Variants in CDH12 observed in about 807,000 individuals in gnomAD.
The protein encoded by CDH12 is cadherin-12.
CDH12 carries 41 observed loss-of-function variants against 74.1 expected under a neutral mutation model. That is an observed-to-expected ratio of 0.55 (90% CI 0.43 to 0.72). CDH12 has a LOEUF of 0.72. CDH12 is among the 30% of genes least tolerant of loss of function. The probability of loss-of-function intolerance (pLI) is 0.00; values close to 1 mark genes in which losing one functional copy is unlikely to be tolerated. For missense variants in CDH12, 945 were observed against 977.2 expected, an observed-to-expected ratio of 0.97 and a Z score of 0.44; for synonymous variants, 399 against 355.0, an observed-to-expected ratio of 1.12 and a Z score of -1.39.
intron 1 of CDH12, among the ~76,000 whole-genome samples, chr5:22,732,921 C>A (rs1455321377): frequency 6.6e-6 from 1 of 151,832 alleles, no homozygotes; most frequent in African/African-American, 2.4e-5. Context: ...CTAATATACC[C>A]ACTTTTAGAA....
intron 1 of CDH12, among the ~76,000 whole-genome samples, chr5:22,602,603 T>A (rs942315099): frequency 6.6e-6 from 1 of 152,094 alleles, no homozygotes; most frequent in Non-Finnish European, 1.5e-5. Context: ...GAGAGAATAC[T>A]GTAAATAAAT....
intron 1 of CDH12, among the ~76,000 whole-genome samples, chr5:22,586,344 G>T (rs1482444589): frequency 2.0e-5 from 3 of 151,954 alleles, no homozygotes; most frequent in Admixed American, 6.6e-5. Context: ...GTTGTGGGGT[G>T]GGGGGAGTGA....
intron 8 of CDH12, among the ~76,000 whole-genome samples, chr5:21,821,340 T>G (rs1579767400): frequency 6.6e-6 from 1 of 151,842 alleles, no homozygotes; most frequent in African/African-American, 2.4e-5. Context: ...AAAATATAAA[T>G]GAAGATCTTT....
rs10074904 is a variant in CDH12, at chr5:22,779,125, G to T, written c.-523+73933C>A. On this transcript the variant is annotated intron_variant, in intron 1 of 14. Coordinates refer to ENST00000382254, the MANE Select transcript of CDH12 (RefSeq NM_004061.5). Reference sequence around the variant, plus strand: ...ATGTATATTTGCTTCAATCCTGAAGGAAGTTTGTACAACTAAGTTTTTCTC... The same window carrying T: ...ATGTATATTTGCTTCAATCCTGAAGTAAGTTTGTACAACTAAGTTTTTCTC... Among the ~76,000 whole-genome samples the T allele has an allele frequency of 7.6e-3, 1,161 of 151,942 alleles. 9 individuals carry two copies. Among genetic ancestry groups the T allele is most frequent in the African/African-American group, 0.027 (1,101 of 41,460 alleles).
chr5:22,181,674 A>G (rs1453781689), intron 4 of CDH12, among the ~76,000 whole-genome samples: 1 of 152,124 alleles, frequency 6.6e-6, no homozygotes, highest in Non-Finnish European at 1.5e-5. Context: ...AATATAATGT[A>G]CACAAAAGCA....
intron 1 of CDH12, among the ~76,000 whole-genome samples, chr5:22,540,826 T>G (rs1738068252): frequency 6.6e-6 from 1 of 152,194 alleles, no homozygotes; most frequent in Non-Finnish European, 1.5e-5. Flanking sequence ...AAGCAAATCT[T>G]TCTTATGACA....
At chr5:22,782,566 C>T (rs954535073) in intron 1 of CDH12, among the ~76,000 whole-genome samples, 2 of 152,196 alleles carry the variant, frequency 1.3e-5, no homozygotes, top group Non-Finnish European at 1.5e-5. Context: ...TATAAACTAC[C>T]CAGTCTTAGG....
At chr5:22,003,785 T>C (rs1164520595) in intron 5 of CDH12, among the ~76,000 whole-genome samples, 2 of 126,272 alleles carry the variant, frequency 1.6e-5, no homozygotes, top group African/African-American at 6.5e-5. Flanking sequence ...TTTGTTTCGT[T>C]TCATGAAAGA....
intron 1 of CDH12, among the ~76,000 whole-genome samples, chr5:22,571,616 C>T (rs1391035699): frequency 6.6e-6 from 1 of 152,186 alleles, no homozygotes; most frequent in Non-Finnish European, 1.5e-5. Context: ...CATGAGCCAA[C>T]GTGCCCGGCA....
chr5:21,916,636 A>T (rs999749135), intron 6 of CDH12, among the ~76,000 whole-genome samples: 10 of 152,094 alleles, frequency 6.6e-5, no homozygotes, highest in Non-Finnish European at 1.2e-4. Context: ...AGTAAGTGAC[A>T]TCTGCTTCCA....
intron 2 of CDH12, among the ~76,000 whole-genome samples, chr5:22,452,880 C>CAAAAAAAAAAAAAAAAAAAAAAAAAA (rs768945480): frequency 3.4e-4 from 11 of 32,200 alleles, no homozygotes; most frequent in African/African-American, 7.3e-4. Context: ...AACCTAAGAG[C>CAAAAAAAAAAAAAAAAAAAAAAAAAA]AAAAAAAAAA....
chr5:22,510,063 T>C (rs1438590700), intron 1 of CDH12, among the ~76,000 whole-genome samples: 1 of 151,732 alleles, frequency 6.6e-6, no homozygotes, highest in African/African-American at 2.4e-5. Context: ...TGAAACTCAG[T>C]GGAGCGATAA....
intron 6 of CDH12, among the ~76,000 whole-genome samples, chr5:21,918,700 C>T (rs1251645611): frequency 6.6e-6 from 1 of 152,066 alleles, no homozygotes; most frequent in East Asian, 1.9e-4. Context: ...TCCACTTGGT[C>T]CCACTCTTGA....
At chr5:22,026,253 G>T (rs1738345090) in intron 5 of CDH12, among the ~76,000 whole-genome samples, 3 of 152,162 alleles carry the variant, frequency 2.0e-5, no homozygotes, top group Non-Finnish European at 4.4e-5. Flanking sequence ...AAACTGGTTA[G>T]ACATGATCCC....
At chr5:22,255,340 A>C (rs1753274188) in intron 3 of CDH12, among the ~76,000 whole-genome samples, 1 of 151,842 alleles carries the variant, frequency 6.6e-6, no homozygotes, top group Non-Finnish European at 1.5e-5. Flanking sequence ...GATCTCATGA[A>C]AAGTATTATT....
chr5:22,249,600 A>G lies in CDH12; in HGVS notation c.-332-36957T>C, dbSNP rs777511832. On this transcript the variant is annotated intron_variant, in intron 3 of 14. Transcript: ENST00000382254. ...GCTGGCACAGTGCCGCAGCTACTTC[A>G]TAGGTGTCTGACATAATATGATTAC... 4.9e-4 allele frequency among the ~76,000 whole-genome samples: 74 copies of G among 152,196 alleles called. 1 individual carries two copies. The highest frequency in any genetic ancestry group is 7.2e-4 in the Non-Finnish European group (49 of 68,036).
chr5:22,001,482 GT>G (rs903199801), intron 5 of CDH12, among the ~76,000 whole-genome samples: 2 of 152,018 alleles, frequency 1.3e-5, no homozygotes, highest in East Asian at 3.9e-4. Flanking sequence ...TTTAGGAAAA[GT>G]TTTTTTAATT....
At chr5:22,587,963 T>TTA (rs1740495655) in intron 1 of CDH12, among the ~76,000 whole-genome samples, 1 of 148,492 alleles carries the variant, frequency 6.7e-6, no homozygotes. Context: ...TATATCCATA[T>TTA]TATATATATA....
At chr5:22,338,386 A>C (rs1185435136) in intron 3 of CDH12, among the ~76,000 whole-genome samples, 1 of 152,100 alleles carries the variant, frequency 6.6e-6, no homozygotes, top group Non-Finnish European at 1.5e-5. Flanking sequence ...GATTGAACCC[A>C]TGGAGAAAGA....
Sources: allele counts gnomAD v4.1 joint callset (sites outside exome capture counted in the v4.1 genomes callset), GRCh38; gene constraint gnomAD v4.1.1; transcripts MANE v1.5; gene names NCBI Gene and HGNC (gene_info 2026-07-23, HGNC 2026-07-21).